Variants in PLXDC2 observed in about 807,000 individuals in gnomAD.
The protein encoded by PLXDC2 is plexin domain containing 2, also known as plexin domain-containing protein 2.
In PLXDC2, 40 loss-of-function variants were observed where a neutral mutation model predicts 68.9. That is an observed-to-expected ratio of 0.58 (90% CI 0.45 to 0.76). The LOEUF is 0.76. Among genes scored for constraint, PLXDC2 ranks in the 30% least tolerant of loss-of-function variants. The pLI is 0.00. For missense variants in PLXDC2, 644 were observed against 661.9 expected, an observed-to-expected ratio of 0.97 and a Z score of 0.30; for synonymous variants, 243 against 234.2, an observed-to-expected ratio of 1.04 and a Z score of -0.34.
intron 12 of PLXDC2, among the ~76,000 whole-genome samples, chr10:20,236,361 C>A (rs898253954): frequency 6.6e-6 from 1 of 152,072 alleles, no homozygotes; most frequent in Non-Finnish European, 1.5e-5. Flanking sequence ...AGGAGAATCG[C>A]TTGAACCCAG....
At chr10:20,138,972 T>C (rs1450398440) in intron 4 of PLXDC2, among the ~76,000 whole-genome samples, 1 of 152,118 alleles carries the variant, frequency 6.6e-6, no homozygotes, top group African/African-American at 2.4e-5. Flanking sequence ...TAGATACTGG[T>C]TAATTTCACC....
chr10:20,218,217 G>C (rs187724268), intron 11 of PLXDC2, among the ~76,000 whole-genome samples: 2 of 152,220 alleles, frequency 1.3e-5, no homozygotes, highest in Admixed American at 6.5e-5. Context: ...GATACCACCA[G>C]GAGGGAGAGG....
rs562939168 is a variant in PLXDC2, at chr10:20,057,440, A to G, written c.471+10425A>G. On this transcript the variant is annotated intron_variant, in intron 3 of 13. Transcript: ENST00000377252. ...GTTCCTTTCTACCTCATTATAGCGT[A>G]TCACTTAGGTGATGGATGGATAATA... Among the ~76,000 whole-genome samples, 4 of 152,260 alleles carry G rather than the reference A, an allele frequency of 2.6e-5. No individual in the cohort carries two copies. The South Asian group carries it at 8.3e-4, about 32-fold the overall frequency.
At chr10:20,089,772 T>A (rs1331551369) in intron 4 of PLXDC2, among the ~76,000 whole-genome samples, 1 of 152,312 alleles carries the variant, frequency 6.6e-6, no homozygotes, top group East Asian at 1.9e-4. Context: ...ACTTTTACTA[T>A]GTGCTAGTTC....
rs35216913 is a variant in PLXDC2 at position 19,991,347 on chromosome 10, C to CTT, written c.113-10413_113-10412dup. On this transcript the variant is annotated intron_variant, in intron 1 of 13. Coordinates refer to ENST00000377252, the MANE Select transcript of PLXDC2 (RefSeq NM_032812.9). ...AAATTTCTATTTCTCATCATTTTCC[C>CTT]TTTTTTTTTTTTTTTTGGCTTAATG... Among the ~76,000 whole-genome samples the CTT allele has an allele frequency of 4.5e-3, 604 of 135,408 alleles. 5 individuals are homozygous for CTT. Among genetic ancestry groups the CTT allele is most frequent in the East Asian group, 7.8e-3 (36 of 4,628 alleles). The allele number at this position is 135,408 out of a possible 152,430, so 88.8% of individuals were successfully genotyped here.
chr10:19,979,636 C>T (rs1485845685), intron 1 of PLXDC2, among the ~76,000 whole-genome samples: 3 of 152,110 alleles, frequency 2.0e-5, no homozygotes, highest in African/African-American at 4.8e-5. Flanking sequence ...CCTCTCAAAG[C>T]GCTGGGATTA....
chr10:19,996,099 C>T (rs1834839303), intron 1 of PLXDC2, among the ~76,000 whole-genome samples: 1 of 152,062 alleles, frequency 6.6e-6, no homozygotes, highest in African/African-American at 2.4e-5. Context: ...TAAGGTGTCT[C>T]TGGTAGCAAG....
At chr10:20,181,739 C>T (rs571448898) in intron 9 of PLXDC2, among the ~76,000 whole-genome samples, 7 of 151,968 alleles carry the variant, frequency 4.6e-5, no homozygotes, top group African/African-American at 7.2e-5. Context: ...AGAAAGCTAC[C>T]CAAGTGCTGG....
At chr10:20,143,573 TAAAGTACACA>T (rs924240377) in intron 5 of PLXDC2, among the ~76,000 whole-genome samples, 156 bp downstream of exon 5, 1 of 152,138 alleles carries the variant, frequency 6.6e-6, no homozygotes, top group Non-Finnish European at 1.5e-5. Context: ...CTAAGATTTA[TAAAGTACACA>T]AATGGCATTC....
intron 11 of PLXDC2, among the ~76,000 whole-genome samples, 195 bp from the exon 12 acceptor site, chr10:20,218,869 C>T (rs1423086688): frequency 6.6e-6 from 1 of 152,096 alleles, no homozygotes; most frequent in South Asian, 2.1e-4. Context: ...ACATTACAAT[C>T]TCTGTAGGAA....
intron 1 of PLXDC2, among the ~76,000 whole-genome samples, chr10:19,828,261 A>G (rs757151202): frequency 7.9e-5 from 12 of 152,272 alleles, no homozygotes; most frequent in Non-Finnish European, 1.6e-4. Flanking sequence ...ATCCTCCTTA[A>G]CAATGGCTCA....
chr10:20,256,269 A>T (rs1394325025), intron 13 of PLXDC2, among the ~76,000 whole-genome samples: 2 of 151,144 alleles, frequency 1.3e-5, no homozygotes, highest in Non-Finnish European at 3.0e-5. Context: ...AGTAGCTGGG[A>T]TTACAGGCGC....
intron 3 of PLXDC2, among the ~76,000 whole-genome samples, chr10:20,047,754 A>G (rs1835821650): frequency 6.6e-6 from 1 of 152,134 alleles, no homozygotes; most frequent in Admixed American, 6.6e-5. Context: ...CCTATGATTT[A>G]AATATTATTA....
chr10:19,907,638 A>G (rs1268270741), intron 1 of PLXDC2, among the ~76,000 whole-genome samples: 2 of 152,228 alleles, frequency 1.3e-5, no homozygotes, highest in African/African-American at 4.8e-5. Flanking sequence ...CTGTGGCTAA[A>G]TCAGCAACAT....
In PLXDC2 at chr10:19,960,494, G is replaced by A. The variant is rs553880783; in HGVS notation, c.113-41281G>A. ...CAGTCCAACCTGTTACATTTGTGAG[G>A]ATGGGGCCTCTTGATTTTGCTAGCT... On this transcript the variant is annotated intron_variant, in intron 1 of 13. Transcript: ENST00000377252. 7.9e-5 allele frequency among the ~76,000 whole-genome samples: 12 copies of A among 152,242 alleles called. No homozygotes were observed. In the South Asian group the frequency reaches 2.5e-3, roughly 32 times the overall value.
intron 1 of PLXDC2, among the ~76,000 whole-genome samples, chr10:19,871,504 T>C (rs994546518): frequency 6.6e-6 from 1 of 152,200 alleles, no homozygotes; most frequent in African/African-American, 2.4e-5. Context: ...AGGACCATCC[T>C]GATATTTCCC....
chr10:19,970,599 G>A (rs964990158), intron 1 of PLXDC2, among the ~76,000 whole-genome samples: 1 of 152,148 alleles, frequency 6.6e-6, no homozygotes, highest in African/African-American at 2.4e-5. Context: ...CTTGGCTTCC[G>A]ATTTTTTTCA....
rs1433669503 is a variant in PLXDC2, at chr10:20,044,233, CTTTCTTTCTTTCTTTCTTT to C, written c.325-2635_325-2617del. ...TCTGTCTTTCTTTCTTTCTTTCTTT[CTTTCTTTCTTTCTTTCTTT>C]CTTTCTTTCTTTCTTTCTTTCTTTC... On this transcript the variant is annotated intron_variant, in intron 2 of 13. Coordinates refer to ENST00000377252, the MANE Select transcript of PLXDC2 (RefSeq NM_032812.9). Among the ~76,000 whole-genome samples, 6 of 83,584 alleles carry C rather than the reference CTTTCTTTCTTTCTTTCTTT, an allele frequency of 7.2e-5. 1 individual carries two copies. The highest frequency in any genetic ancestry group is 2.9e-4 in the African/African-American group (5 of 17,032). 54.8% of individuals were successfully genotyped at this position (83,584 alleles called of 152,430 possible).
intron 6 of PLXDC2, among the ~76,000 whole-genome samples, chr10:20,150,288 G>T (rs915843410): frequency 3.9e-5 from 6 of 152,260 alleles, no homozygotes; most frequent in Admixed American, 3.9e-4. Context: ...GGTGGTGTTT[G>T]GTTACATGGA....
Sources: allele counts gnomAD v4.1 joint callset (sites outside exome capture counted in the v4.1 genomes callset), GRCh38; gene constraint gnomAD v4.1.1; transcripts MANE v1.5; gene names NCBI Gene and HGNC (gene_info 2026-07-23, HGNC 2026-07-21).